Variants in STARD7 observed in about 807,000 individuals in gnomAD.
The protein encoded by STARD7 is StAR related lipid transfer domain containing 7, also known as stAR-related lipid transfer protein 7, mitochondrial.
STARD7 carries 30 observed loss-of-function variants against 45.3 expected under a neutral mutation model. The observed-to-expected ratio is 0.66, with a 90% CI of 0.50 to 0.90. STARD7 has a LOEUF of 0.90. STARD7 is among the 40% of genes least tolerant of loss of function. The pLI is 0.00. For synonymous variants in STARD7, 199 were observed against 183.0 expected, an observed-to-expected ratio of 1.09 and a Z score of -0.70; for missense variants, 495 against 491.3, an observed-to-expected ratio of 1.01 and a Z score of -0.07.
At position 96,208,500 on chromosome 2, in the gene STARD7, C is replaced by G. The variant is rs566544135; in HGVS notation, c.-66G>C. The G allele has an allele frequency of 1.0e-5, 13 of 1,305,182 alleles. No homozygotes were observed. In the East Asian group the frequency reaches 3.7e-4, roughly 38 times the overall value. The allele number at this position is 1,305,182 out of a possible 1,614,324, so 80.9% of individuals were successfully genotyped here. On this transcript the variant is annotated 5_prime_UTR_variant, in exon 1 of 8. Coordinates refer to ENST00000337288, the MANE Select transcript of STARD7 (RefSeq NM_020151.4). Reference sequence around the variant, plus strand: ...AGGAACCAGTCCGGAGGGGCGCAGGCGGTGGTCGCAGCGTCCCCCTAAATG... The same window carrying G: ...AGGAACCAGTCCGGAGGGGCGCAGGGGGTGGTCGCAGCGTCCCCCTAAATG...
At chr2:96,207,625 G>T (rs1194057219) in intron 1 of STARD7, among the ~76,000 whole-genome samples, 3 of 152,182 alleles carry the variant, frequency 2.0e-5, no homozygotes, top group Admixed American at 6.5e-5. Flanking sequence ...TGGGCTGCTG[G>T]TTTGTGTAAC....
chr2:96,197,119 AATAAAG>A (rs1683233348), intron 1 of STARD7, among the ~76,000 whole-genome samples: 10 of 143,968 alleles, frequency 6.9e-5, no homozygotes, highest in Non-Finnish European at 9.2e-5. Flanking sequence ...AATAAAATAA[AATAAAG>A]CCAAGCACAA....
chr2:96,189,958 T>C (rs1683101077), intron 6 of STARD7, among the ~76,000 whole-genome samples: 1 of 152,170 alleles, frequency 6.6e-6, no homozygotes, highest in African/African-American at 2.4e-5. Flanking sequence ...TATTAGTATA[T>C]ACTTAGGATT....
chr2:96,192,304 T>G (rs921388607), intron 6 of STARD7, 65 bp downstream of exon 6: 31 of 1,247,362 alleles, frequency 2.5e-5, no homozygotes, highest in Admixed American at 5.0e-5. Context: ...CTAGTTCAGG[T>G]AAGACATCCC....
intron 1 of STARD7, among the ~76,000 whole-genome samples, chr2:96,202,841 T>C (rs555723770): frequency 2.0e-5 from 3 of 152,344 alleles, no homozygotes; most frequent in South Asian, 2.1e-4. Flanking sequence ...AATAATTACA[T>C]AGTTAATAAA....
rs535053187 is a variant in STARD7 at position 96,196,623 on chromosome 2, G to A, written c.291-1074C>T. ...ACTACAGGCACGCGCTATCATGCCCGGCTGATTTTTTGTATTTTTAGCAGA... is the reference window on the plus strand; with the variant it reads ...ACTACAGGCACGCGCTATCATGCCCAGCTGATTTTTTGTATTTTTAGCAGA... On this transcript the variant is annotated intron_variant, in intron 1 of 7. Transcript: ENST00000337288. Among the ~76,000 whole-genome samples, 18 of 152,156 alleles carry A rather than the reference G, an allele frequency of 1.2e-4. No individual in the cohort carries two copies. In the South Asian group the frequency reaches 3.1e-3, roughly 26 times the overall value.
Position 96,191,868 on chromosome 2 carries a change from AG to A in STARD7, c.843+500del, listed in dbSNP as rs3832114. On this transcript the variant is annotated intron_variant, in intron 6 of 7. Coordinates refer to ENST00000337288, the MANE Select transcript of STARD7 (RefSeq NM_020151.4). ...ATATCTATACTCTCAGTGGAGATTT[AG>A]CTTAAAAAGATAAAAAATAAACACA... is the stretch of plus-strand genomic sequence containing the variant. Among the ~76,000 whole-genome samples the A allele has an allele frequency of 1.2e-3, 190 of 152,320 alleles. 4 individuals are homozygous for A. The East Asian group carries it at 0.03, about 24-fold the overall frequency.
intron 1 of STARD7, among the ~76,000 whole-genome samples, chr2:96,199,722 C>T (rs1350415223): frequency 6.6e-6 from 1 of 152,196 alleles, no homozygotes; most frequent in Non-Finnish European, 1.5e-5. Flanking sequence ...GAGCAGAATC[C>T]TCATCTTGTT....
At chr2:96,197,122 A>AAAAT (rs1553432315) in intron 1 of STARD7, among the ~76,000 whole-genome samples, 3 of 146,560 alleles carry the variant, frequency 2.0e-5, no homozygotes, top group African/African-American at 7.6e-5. Flanking sequence ...AAAATAAAAT[A>AAAAT]AAGCCAAGCA....
rs1414890676 is a variant in STARD7, at chr2:96,195,390, A to G, written c.450T>C (p.Phe150=). The change falls in exon 2 of 8, where the codon TTT becomes TTC. Residue 150 remains phenylalanine, a synonymous_variant. Transcript: ENST00000337288. ...CTGTAATTGGGCGCCGCCACAGCTT[A>G]AAGTGTTTCTTATCCATCACCATTT... The part of the protein sequence containing the change: ...RWEMVMDKKH[F]KLWRRPITGT... 1.9e-6 allele frequency: 3 copies of G among 1,604,372 alleles called. No individual in the cohort carries two copies. Among genetic ancestry groups the G allele is most frequent in the Non-Finnish European group, 2.6e-6 (3 of 1,175,330 alleles).
At chr2:96,187,341 A>C (rs1277482303) in intron 6 of STARD7, 40 bp from the exon 7 acceptor site, 1 of 1,199,894 alleles carries the variant, frequency 8.3e-7, no homozygotes, top group Non-Finnish European at 1.2e-6. Context: ...TCCCTGAATC[A>C]CCAACCACAA....
intron 1 of STARD7, among the ~76,000 whole-genome samples, chr2:96,197,085 A>C (rs539438063): frequency 0.016 from 2,194 of 135,746 alleles, 117 homozygotes; most frequent in East Asian, 0.11. Flanking sequence ...ATAAAATAAA[A>C]TAAAATAAAA....
chr2:96,202,827 A>G (rs539030649), intron 1 of STARD7, among the ~76,000 whole-genome samples: 2 of 152,376 alleles, frequency 1.3e-5, no homozygotes, highest in East Asian at 3.9e-4. Flanking sequence ...TCAGAGGCTC[A>G]TAAAATAATT....
chr2:96,199,166 T>C (rs1683269332), intron 1 of STARD7, among the ~76,000 whole-genome samples: 1 of 152,224 alleles, frequency 6.6e-6, no homozygotes, highest in African/African-American at 2.4e-5. Context: ...CTGAGTTCCT[T>C]TCATTTCCAT....
rs925033168 is a variant in STARD7, at chr2:96,208,816, C to T, written c.-382G>A. ...GCAGCACGCAAGCTCCCGCGCCTTCCGCGACTGCCACACGCGCGGCGCGCG... is the reference window on the plus strand; with the variant it reads ...GCAGCACGCAAGCTCCCGCGCCTTCTGCGACTGCCACACGCGCGGCGCGCG... On this transcript the variant is annotated 5_prime_UTR_variant, in exon 1 of 8. Transcript: ENST00000337288. The T allele has an allele frequency of 3.5e-5, 14 of 402,010 alleles. No individual in the cohort carries two copies. Among genetic ancestry groups the T allele is most frequent in the Non-Finnish European group, 5.7e-5 (13 of 226,652 alleles). 24.9% of individuals were successfully genotyped at this position (402,010 alleles called of 1,614,324 possible).
At chr2:96,188,266 CTTTTTTTTTTTT>C (rs138935587) in intron 6 of STARD7, 2 of 56,788 alleles carry the variant, frequency 3.5e-5, no homozygotes, top group Admixed American at 3.3e-4. Flanking sequence ...CAGACCAAGA[CTTTTTTTTTTTT>C]TTTTTTTTTT....
intron 3 of STARD7, 140 bp from the exon 4 acceptor site, chr2:96,193,492 G>C: frequency 1.5e-6 from 1 of 654,252 alleles, no homozygotes. Context: ...GTGCCAGAGT[G>C]TGAGAGACAT....
Position 96,197,114 on chromosome 2 carries a change from A to AC in STARD7, c.291-1566_291-1565insG, listed in dbSNP as rs1222820751. Among the ~76,000 whole-genome samples, 82 of 144,294 alleles carry AC rather than the reference A, an allele frequency of 5.7e-4. 8 individuals are homozygous for AC. In the East Asian group the frequency reaches 8.3e-3, roughly 15 times the overall value. The allele number at this position is 144,294 out of a possible 152,430, so 94.7% of individuals were successfully genotyped here. On this transcript the variant is annotated intron_variant, in intron 1 of 7. Coordinates refer to ENST00000337288, the MANE Select transcript of STARD7 (RefSeq NM_020151.4). Reference sequence around the variant, plus strand: ...AATAAAATAAAATAAAATAAAATAAAATAAAATAAAGCCAAGCACAACGGC... The same window carrying AC: ...AATAAAATAAAATAAAATAAAATAAACATAAAATAAAGCCAAGCACAACGGC...
At chr2:96,195,042 A>G (rs1683181322) in intron 2 of STARD7, 35 bp from the exon 3 acceptor site, 1 of 1,572,340 alleles carries the variant, frequency 6.4e-7, no homozygotes, top group Non-Finnish European at 8.7e-7. Context: ...GATGCTGGCC[A>G]TACTCCAGTC....
Sources: allele counts gnomAD v4.1 joint callset (sites outside exome capture counted in the v4.1 genomes callset), GRCh38; gene constraint gnomAD v4.1.1; transcripts MANE v1.5; gene names NCBI Gene and HGNC (gene_info 2026-07-23, HGNC 2026-07-21).